Variants in CRHR2 observed in about 807,000 individuals in gnomAD.
CRHR2 encodes corticotropin releasing hormone receptor 2.
A neutral mutation model predicts 57.9 loss-of-function variants in CRHR2; 53 were observed. That is an observed-to-expected ratio of 0.92 (90% confidence interval 0.73 to 1.15). The LOEUF is 1.15. Ranked by LOEUF, CRHR2 falls within the 50% of genes most tolerant of loss-of-function variation. The pLI is 0.00. For missense variants in CRHR2, 532 were observed against 542.6 expected, an observed-to-expected ratio of 0.98 and a Z score of 0.19; for synonymous variants, 213 against 220.9, an observed-to-expected ratio of 0.96 and a Z score of 0.32.
At chr7:30,658,236 A>G (rs1261758152) in intron 8 of CRHR2, among the ~76,000 whole-genome samples, 2 of 152,214 alleles carry the variant, frequency 1.3e-5, no homozygotes, top group African/African-American at 4.8e-5. Context: ...CTCCCTGCTA[A>G]AAACACACTC....
rs758971925 is a variant in CRHR2 at position 30,667,301 on chromosome 7, C to T, written c.242G>A (p.Arg81Gln). 1.4e-5 allele frequency: 23 copies of T among 1,614,064 alleles called. No homozygotes were observed. The Middle Eastern group carries it at 4.9e-4, about 35-fold the overall frequency. ...VKYNTTRNAY[R>Q]ECLENGTWAS... is the part of the protein sequence containing the mutation. ...CCACGTCCCATTCTCCAAGCATTCT[C>T]GATAGGCATTCCCTACAAAAAATGC... Residue 81 changes from arginine to glutamine, a missense_variant, in exon 3 of 12, where the codon CGA (arginine) becomes CAA (glutamine). Transcript: ENST00000471646.
At chr7:30,664,680 T>C (rs1343958106) in intron 5 of CRHR2, among the ~76,000 whole-genome samples, 1 of 151,818 alleles carries the variant, frequency 6.6e-6, no homozygotes, top group African/African-American at 2.4e-5. Flanking sequence ...TCAGGTCTGG[T>C]TTTGCACCTG....
exon 2 of CRHR2, chr7:30,689,212 T>C: frequency 6.5e-7 from 1 of 1,550,238 alleles, no homozygotes; most frequent in Non-Finnish European, 8.7e-7. Context: ...GTGAGGGTCA[T>C]GATGGTGTGG....
rs538366740 is a variant in CRHR2 at position 30,689,682 on chromosome 7, C to T, written c.-260-398G>A. Among the ~76,000 whole-genome samples the T allele has an allele frequency of 3.9e-5, 6 of 152,272 alleles. No individual in the cohort carries two copies. In the East Asian group the frequency reaches 9.7e-4, roughly 25 times the overall value. On this transcript the variant is annotated intron_variant, in intron 1 of 13. Coordinates refer to the CRHR2 transcript ENST00000341843. Reference sequence around the variant, plus strand: ...GCAGAACACCTACTGTGTGTCAGGCCCTGGCTGGGGGAACTGATGGGTGTC... The same window carrying T: ...GCAGAACACCTACTGTGTGTCAGGCTCTGGCTGGGGGAACTGATGGGTGTC...
intron 1 of CRHR2, among the ~76,000 whole-genome samples, chr7:30,696,943 T>TA (rs895037091): frequency 1.5e-4 from 22 of 149,564 alleles, no homozygotes; most frequent in Admixed American, 4.7e-4. Context: ...CAGACAGATT[T>TA]AAAAAAAAAA....
At chr7:30,686,106 G>A (rs1784850600), upstream of CRHR2, among the ~76,000 whole-genome samples, 2 of 152,188 alleles carry the variant, frequency 1.3e-5, no homozygotes, top group South Asian at 4.1e-4. Flanking sequence ...AGAACAATGT[G>A]TCACTACCAG....
intron 2 of CRHR2, among the ~76,000 whole-genome samples, chr7:30,668,183 G>A (rs1420609514): frequency 6.6e-6 from 1 of 152,236 alleles, no homozygotes; most frequent in Non-Finnish European, 1.5e-5. Context: ...AAGGGGGAAG[G>A]TAGGAAAGTT....
At chr7:30,669,560 G>A (rs1784293591) in intron 2 of CRHR2, among the ~76,000 whole-genome samples, 1 of 152,138 alleles carries the variant, frequency 6.6e-6, no homozygotes, top group African/African-American at 2.4e-5. Context: ...AAGTTCCATG[G>A]ATTCTGTCTC....
rs368118309 is a variant in CRHR2 at position 30,677,589 on chromosome 7, C to T, written c.229+4326G>A. Among the ~76,000 whole-genome samples the T allele has an allele frequency of 4.5e-4, 69 of 152,322 alleles. 1 individual carries two copies. In the South Asian group the frequency reaches 0.013, roughly 28 times the overall value. ...TGGGGTAAGACCGAGGCTACCTCCC[C>T]GCCTAGAGCTAAAATGCCAGATCCT... On this transcript the variant is annotated intron_variant, in intron 2 of 11. Transcript: ENST00000471646.
intron 2 of CRHR2, among the ~76,000 whole-genome samples, chr7:30,680,850 G>A (rs1049166345): frequency 2.7e-4 from 37 of 136,446 alleles, no homozygotes; most frequent in African/African-American, 8.7e-4. Context: ...GTGTGTGTGT[G>A]TGTGTATGTG....
chr7:30,693,930 C>T (rs538203885), intron 1 of CRHR2, among the ~76,000 whole-genome samples: 18 of 152,264 alleles, frequency 1.2e-4, no homozygotes, highest in African/African-American at 1.7e-4. Flanking sequence ...CTGAGGGGAA[C>T]GTCTTGGACA....
At chr7:30,667,143 C>T (rs1784210618) in intron 3 of CRHR2, 85 bp downstream of exon 3, 1 of 1,231,898 alleles carries the variant, frequency 8.1e-7, no homozygotes. Context: ...AAGGACTGGT[C>T]TGCCCCCCTT....
rs113822056 is a variant in CRHR2, at chr7:30,656,058, G to C, written c.832-46C>G. ...GGAAAGAGGGAAAAGGAAGGAGCAC[G>C]TGTTTGAGATGAGCCGAGAGGCAGC... is the stretch of plus-strand genomic sequence containing the variant. On this transcript the variant is annotated intron_variant, in intron 8 of 11. Transcript: ENST00000471646. This position sits in a 1 kb window ranked among gnomAD's most constrained non-coding sequence, Gnocchi z 4.4. The C allele has an allele frequency of 5.7e-6, 9 of 1,581,518 alleles. No individual in the cohort carries two copies. The highest frequency in any genetic ancestry group is 7.8e-6 in the Non-Finnish European group (9 of 1,151,270).
At chr7:30,667,060 C>G (rs2128143167) in intron 3 of CRHR2, among the ~76,000 whole-genome samples, 168 bp downstream of exon 3, 1 of 152,354 alleles carries the variant, frequency 6.6e-6, no homozygotes, top group Non-Finnish European at 1.5e-5. Context: ...TACTCCCCTA[C>G]AGTGTCACTA....
intron 2 of CRHR2, among the ~76,000 whole-genome samples, chr7:30,669,562 T>TC (rs1784293667): frequency 6.6e-6 from 1 of 152,158 alleles, no homozygotes. Flanking sequence ...GTTCCATGGA[T>TC]TCTGTCTCCT....
At chr7:30,661,402 G>A (rs1470131227) in intron 7 of CRHR2, among the ~76,000 whole-genome samples, 1 of 152,120 alleles carries the variant, frequency 6.6e-6, no homozygotes. Flanking sequence ...TCCTTTGACA[G>A]GAAGCTCACC....
intron 7 of CRHR2, among the ~76,000 whole-genome samples, chr7:30,661,917 G>A (rs57055155): frequency 0.018 from 2,674 of 147,468 alleles, 75 homozygotes; most frequent in African/African-American, 0.069. Context: ...GCGTTGGGTC[G>A]GGGGGCACTT....
intron 2 of CRHR2, among the ~76,000 whole-genome samples, chr7:30,677,786 T>A (rs541755375): frequency 6.6e-6 from 1 of 152,202 alleles, no homozygotes; most frequent in East Asian, 1.9e-4. Flanking sequence ...AGACTCCAGG[T>A]TGGCCAGGTG....
At chr7:30,697,294 G>C (rs947203505) in intron 1 of CRHR2, among the ~76,000 whole-genome samples, 16 of 152,196 alleles carry the variant, frequency 1.1e-4, no homozygotes, top group African/African-American at 3.9e-4. Context: ...TGAGACCCTG[G>C]GGGGTGTCTC....
Sources: gnomAD v4.1 joint callset for allele counts (sites outside exome capture counted in the v4.1 genomes callset) on GRCh38, gnomAD v4.1.1 for gene constraint, Gnocchi (gnomAD v3.1) non-coding constraint, MANE v1.5 for transcripts, NCBI Gene and HGNC (gene_info 2026-07-23, HGNC 2026-07-21) for gene names.